Variants in WDR62 observed in about 807,000 individuals in gnomAD.
The protein encoded by WDR62 is WD repeat-containing protein 62.
In WDR62, 112 loss-of-function variants were observed where a neutral mutation model predicts 160.6. That is an observed-to-expected ratio of 0.70 (90% CI 0.60 to 0.82). WDR62 has a LOEUF of 0.82. Ranked by LOEUF, WDR62 falls within the 40% of genes least tolerant of loss-of-function variation. The pLI is 0.00. For synonymous variants in WDR62, 792 were observed against 815.1 expected, an observed-to-expected ratio of 0.97 and a Z score of 0.48; for missense variants, 1,819 against 1,983.8, an observed-to-expected ratio of 0.92 and a Z score of 1.58.
chr19:36,065,706 T>C (rs1011954557), intron 3 of WDR62, among the ~76,000 whole-genome samples: 3 of 152,210 alleles, frequency 2.0e-5, no homozygotes, highest in African/African-American at 7.2e-5. Flanking sequence ...AGGGTCCGCA[T>C]ACAGTGTCTA....
Position 36,101,998 on chromosome 19 carries a change from C to A in WDR62, c.3083-16C>A, listed in dbSNP as rs1973378280. ...TGGTGTTGGCTCCTCTTGTCCCTCC[C>A]CTCCTTCCCTGTCAGGATGCGCAGG... On this transcript the variant is annotated splice_polypyrimidine_tract_variant and intron_variant, in intron 25 of 31. Transcript: ENST00000401500. The A allele has an allele frequency of 6.2e-7, 1 of 1,614,054 alleles. No homozygotes were observed. The highest frequency in any genetic ancestry group is 1.6e-4 in the Middle Eastern group (1 of 6,062).
chr19:36,110,762 C>T, the WDR62 span, among the ~76,000 whole-genome samples: 2 of 152,188 alleles, frequency 1.3e-5, no homozygotes, highest in East Asian at 1.9e-4. Flanking sequence ...CAGCAGGGGG[C>T]CCCTTCAGTG....
rs76130844 is a variant in WDR62, at chr19:36,073,544, C to A, written c.1233+13C>A. Reference sequence around the variant, plus strand: ...TTGGAACGTGGAGGTGAGCCCCCCCCCCACCCCCTTGCCCCTGCTTGGCCT... The same window carrying A: ...TTGGAACGTGGAGGTGAGCCCCCCCACCACCCCCTTGCCCCTGCTTGGCCT... On this transcript the variant is annotated intron_variant, in intron 9 of 31. Transcript: ENST00000401500. The A allele has an allele frequency of 1.6e-5, 23 of 1,461,610 alleles. No individual in the cohort carries two copies. Among genetic ancestry groups the A allele is most frequent in the East Asian group, 1.2e-4 (5 of 41,596 alleles). 90.5% of individuals were successfully genotyped at this position (1,461,610 alleles called of 1,614,324 possible).
At chr19:36,086,893 A>G (rs1972271525) in intron 13 of WDR62, 81 bp downstream of exon 13, 2 of 1,529,842 alleles carry the variant, frequency 1.3e-6, no homozygotes, top group East Asian at 2.4e-5. Context: ...TCTCCTGTAA[A>G]ATATATATCC....
At chr19:36,086,953 GC>G in intron 13 of WDR62, 141 bp downstream of exon 13, 3 of 1,315,980 alleles carry the variant, frequency 2.3e-6, no homozygotes, top group Non-Finnish European at 3.1e-6. Context: ...AATGACTGGG[GC>G]CGGGTGTAAT....
chr19:36,077,927 A>T (rs903141851), intron 9 of WDR62, among the ~76,000 whole-genome samples: 3 of 152,082 alleles, frequency 2.0e-5, no homozygotes, highest in South Asian at 4.1e-4. Flanking sequence ...ATCATAGACT[A>T]TGTGGGCTTT....
In WDR62 at chr19:36,073,628, T is replaced by C. The variant is rs561467465; in HGVS notation, c.1233+97T>C. The C allele has an allele frequency of 8.3e-5, 83 of 1,004,284 alleles. No homozygotes were observed. The East Asian group carries it at 2.1e-3, about 26-fold the overall frequency. The allele number at this position is 1,004,284 out of a possible 1,614,324, so 62.2% of individuals were successfully genotyped here. A position where few individuals can be genotyped will look rare whatever the true frequency, so the allele number is the denominator to read the frequency against. ...AGTAATTCCTTCAGAAGATACTCAT[T>C]GACTCCCTCCTATGCATCAGGCCCT... On this transcript the variant is annotated intron_variant, in intron 9 of 31. Coordinates refer to ENST00000401500, the MANE Select transcript of WDR62 (RefSeq NM_001083961.2).
chr19:36,102,703 G>C (rs1342229486), intron 26 of WDR62, 34 bp from the exon 27 acceptor site: 2 of 1,603,802 alleles, frequency 1.2e-6, no homozygotes, highest in Non-Finnish European at 1.7e-6. Flanking sequence ...TCGGCGGGAA[G>C]GGTTATGAGG....
chr19:36,084,726 T>C lies in WDR62; in HGVS notation c.1624T>C (p.Tyr542His). Residue 542 changes from tyrosine to histidine, a missense_variant, in exon 12 of 32, where the codon TAC becomes CAC. Tyr to His is a moderately conservative substitution (Grantham distance 83). Around this residue, in one of 3 missense-constraint regions of WDR62, gnomAD observed 934 missense variants for 1,157.2 expected, o/e 0.81. Coordinates refer to ENST00000401500, the MANE Select transcript of WDR62 (RefSeq NM_001083961.2). ...TGATGCTGAGGTGCTGTGCCTGGAG[T>C]ACTCCAAGCCAGAGACGGGTGAGCC... ...AHDAEVLCLE[Y>H]SKPETGLTLL... 1 of 1,613,116 alleles carries C rather than the reference T, an allele frequency of 6.2e-7. No individual in the cohort carries two copies. The highest frequency in any genetic ancestry group is 8.5e-7 in the Non-Finnish European group (1 of 1,179,856).
At chr19:36,108,726 C>T (rs1306763764), downstream of WDR62, among the ~76,000 whole-genome samples, 9 of 151,944 alleles carry the variant, frequency 5.9e-5, no homozygotes, top group Non-Finnish European at 1.2e-4. Context: ...TGGTGGTGCA[C>T]GCCTGTAGTC....
intron 9 of WDR62, chr19:36,075,473 T>G (rs1418713758): frequency 2.0e-5 from 3 of 152,152 alleles, no homozygotes; most frequent in African/African-American, 7.2e-5. Flanking sequence ...CAAGACGGAA[T>G]CTGGCTGTGT....
chr19:36,101,459 G>C, intron 24 of WDR62, 142 bp downstream of exon 24: 1 of 886,944 alleles, frequency 1.1e-6, no homozygotes, highest in Non-Finnish European at 1.8e-6. Flanking sequence ...TGCTGCCTGA[G>C]GATTCTGGGC....
chr19:36,101,241 C>T lies in WDR62; in HGVS notation c.2895C>T (p.Ala965=), dbSNP rs753047505. Residue 965 remains alanine (A), a synonymous_variant, in exon 24 of 32, where the codon GCC becomes GCT. Coordinates refer to ENST00000401500, the MANE Select transcript of WDR62 (RefSeq NM_001083961.2). ...AGTATTGCAGGAAGGAGGTGGAGGC[C>T]GGGCCTGGAGACCAGCAGGGCGACT... The part of the protein sequence containing the change: ...DSQYCRKEVE[A]GPGDQQGDSY... 3.7e-6 allele frequency: 6 copies of T among 1,613,072 alleles called. No homozygotes were observed. In the Admixed American group the frequency reaches 5.0e-5, roughly 13 times the overall value.
chr19:36,095,970 C>T (rs1275454053), intron 20 of WDR62, among the ~76,000 whole-genome samples: 2 of 152,214 alleles, frequency 1.3e-5, no homozygotes, highest in African/African-American at 4.8e-5. Flanking sequence ...GATTGCACAT[C>T]ACTGTTAATG....
Position 36,055,027 on chromosome 19 carries a change from C to G in WDR62, c.56C>G (p.Pro19Arg). The change falls in exon 1 of 32, where the codon CCC becomes CGC. Residue 19 changes from proline (P) to arginine (R), a missense_variant. By Grantham distance (103) the Pro-to-Arg change is moderately radical. Transcript: ENST00000401500. ...CGGAACGATGCAGGGGAGAAGCTGC[C>G]CTCTGTCATGGCGGGAGTTCCGGCG... ...YARNDAGEKL[P>R]SVMAGVPARR... 1 of 1,608,400 alleles carries G rather than the reference C, an allele frequency of 6.2e-7. No individual in the cohort carries two copies. The highest frequency in any genetic ancestry group is 1.1e-5 in the South Asian group (1 of 90,506).
downstream of WDR62, chr19:36,105,218 T>C (rs1378022211): frequency 5.6e-6 from 4 of 716,522 alleles, no homozygotes; most frequent in Non-Finnish European, 6.8e-6. Flanking sequence ...GTGGAGAGCA[T>C]GGGACCAGCG....
chr19:36,099,656 A>G, intron 22 of WDR62, 39 bp downstream of exon 22: 13 of 1,604,130 alleles, frequency 8.1e-6, no homozygotes, highest in Non-Finnish European at 1.1e-5. Context: ...TAGCCCCGGC[A>G]CCGTGACGGC....
intron 1 of WDR62, among the ~76,000 whole-genome samples, chr19:36,055,847 T>C (rs1222851247): frequency 6.6e-6 from 1 of 152,130 alleles, no homozygotes; most frequent in African/African-American, 2.4e-5. Flanking sequence ...AGGCACAAAA[T>C]CTGTTTTTAT....
At position 36,102,852 on chromosome 19, in the gene WDR62, G is replaced by C; in HGVS notation, c.3335+1G>C. Reference sequence around the variant, plus strand: ...TCTCAAGCCTCCAGAAGGCATCCAGGTAGAAGCTGGCCAAGCACTGCCCAC... The same window carrying C: ...TCTCAAGCCTCCAGAAGGCATCCAGCTAGAAGCTGGCCAAGCACTGCCCAC... On this transcript the variant is annotated splice_donor_variant, in intron 27 of 31. Transcript: ENST00000401500. LOFTEE classifies it high-confidence loss of function. The C allele has an allele frequency of 6.2e-7, 1 of 1,614,158 alleles. No individual in the cohort carries two copies. Among genetic ancestry groups the C allele is most frequent in the Non-Finnish European group, 8.5e-7 (1 of 1,180,010 alleles).
Sources: gnomAD v4.1 joint callset for allele counts (sites outside exome capture counted in the v4.1 genomes callset) on GRCh38, gnomAD v4.1.1 for gene constraint, gnomAD v4.1.1 regional missense constraint, MANE v1.5 for transcripts, NCBI Gene and HGNC (gene_info 2026-07-23, HGNC 2026-07-21) for gene names.